ADSL: variants seen among roughly 807,000 people sequenced by gnomAD.
ADSL encodes the protein adenylosuccinase.
ADSL carries 44 observed loss-of-function variants against 62.1 expected under a neutral mutation model. The observed-to-expected ratio is 0.71, with a 90% CI of 0.56 to 0.91. The LOEUF (loss-of-function observed/expected upper bound fraction) is 0.91, where lower values mean the gene tolerates loss of function less well. Among genes scored for constraint, ADSL ranks in the 40% least tolerant of loss-of-function variants. The probability of loss-of-function intolerance (pLI) is 0.00; values close to 1 mark genes in which losing one functional copy is unlikely to be tolerated. For missense variants in ADSL, 531 were observed against 627.4 expected (o/e 0.85, Z 1.64); for synonymous variants, 198 against 220.5 (o/e 0.90, Z 0.90).
chr22:40,373,469 G>C (rs2045955180), downstream of ADSL: 1 of 152,090 alleles, frequency 6.6e-6, no homozygotes, highest in South Asian at 2.1e-4. Flanking sequence ...ACGATTTATT[G>C]AATATCTACT....
At chr22:40,385,696 A>G (rs1383926677) in intron 2 of ADSL, among the ~76,000 whole-genome samples, 1 of 152,190 alleles carries the variant, frequency 6.6e-6, no homozygotes, top group East Asian at 1.9e-4. Context: ...GTTTCAGAAG[A>G]ATTATGAGAA....
chr22:40,355,743 A>G (rs2044528526), intron 4 of ADSL, among the ~76,000 whole-genome samples: 1 of 152,204 alleles, frequency 6.6e-6, no homozygotes. Context: ...TAACAAGGAA[A>G]ACAGTAAGAT....
rs1452778583 is a variant in ADSL, at chr22:40,349,823, AT to A, written c.154-7del. 1 of 1,612,636 alleles carries A rather than the reference AT, an allele frequency of 6.2e-7. No homozygotes were observed. On this transcript the variant is annotated splice_polypyrimidine_tract_variant and splice_region_variant and intron_variant, in intron 1 of 12. Transcript: ENST00000623063. Reference sequence around the variant, plus strand: ...GAGACTATTTTATTTTATTTTGCCTATTCTGCAGACATTGGGTTTGCCTATC... The same window carrying A: ...GAGACTATTTTATTTTATTTTGCCTATCTGCAGACATTGGGTTTGCCTATC...
chr22:40,353,817 G>C (rs1243967075), intron 3 of ADSL: 6 of 272,702 alleles, frequency 2.2e-5, no homozygotes. Flanking sequence ...TAGTAGAGAC[G>C]GGGTTTCACC....
Position 40,361,294 on chromosome 22 carries a change from C to T in ADSL, c.814C>T (p.Leu272=). ...CCAGATTTGCACCGACATACGCCTCCTGGCAAACCTCAAGGAGATGGAGGA... is the reference window on the plus strand; with the variant it reads ...CCAGATTTGCACCGACATACGCCTCTTGGCAAACCTCAAGGAGATGGAGGA... ...VHKICTDIRL[L]ANLKEMEEPF... Residue 272 remains leucine, a synonymous_variant, in exon 8 of 13, where the codon CTG becomes TTG. Transcript: ENST00000623063. 1 of 1,614,196 alleles carries T rather than the reference C, an allele frequency of 6.2e-7. No individual in the cohort carries two copies. The highest frequency in any genetic ancestry group is 8.5e-7 in the Non-Finnish European group (1 of 1,180,040).
intron 12 of ADSL, among the ~76,000 whole-genome samples, chr22:40,365,445 C>T (rs2044966093): frequency 2.0e-5 from 3 of 152,100 alleles, no homozygotes; most frequent in African/African-American, 4.8e-5. Flanking sequence ...TGGGTTAAAT[C>T]GTAACCTCTG....
intron 8 of ADSL, 62 bp from the exon 9 acceptor site, chr22:40,361,425 GC>G: frequency 1.2e-6 from 2 of 1,613,178 alleles, no homozygotes; most frequent in Non-Finnish European, 1.7e-6. Flanking sequence ...CAGCATGCTT[GC>G]CTACTCACTA....
chr22:40,379,705 T>A (rs1431514311), intron 2 of ADSL, among the ~76,000 whole-genome samples: 1 of 152,138 alleles, frequency 6.6e-6, no homozygotes, highest in Non-Finnish European at 1.5e-5. Flanking sequence ...TGGTAGTATT[T>A]GTGGTCTCTG....
At chr22:40,373,573 T>TG (rs2045973624), downstream of ADSL, 1 of 152,248 alleles carries the variant, frequency 6.6e-6, no homozygotes, top group African/African-American at 2.4e-5. Context: ...AGTTTATACA[T>TG]GTCAATGTAT....
chr22:40,360,893 G>A (rs886264748), intron 7 of ADSL, among the ~76,000 whole-genome samples: 1 of 151,804 alleles, frequency 6.6e-6, no homozygotes, highest in Non-Finnish European at 1.5e-5. Flanking sequence ...TAGAGGCAGG[G>A]TTTCACCATG....
At chr22:40,377,904 A>G (rs999358348) in intron 2 of ADSL, among the ~76,000 whole-genome samples, 3 of 152,026 alleles carry the variant, frequency 2.0e-5, no homozygotes, top group Non-Finnish European at 4.4e-5. Context: ...GAGGAGAGAA[A>G]TCTTGGAGAA....
chr22:40,360,826 G>A (rs902573393), intron 7 of ADSL, among the ~76,000 whole-genome samples: 1 of 151,064 alleles, frequency 6.6e-6, no homozygotes, highest in African/African-American at 2.4e-5. Context: ...GGGTTCGAGC[G>A]AGCCTCCCAA....
At chr22:40,352,329 C>A (rs554638174) in intron 2 of ADSL, among the ~76,000 whole-genome samples, 1 of 152,108 alleles carries the variant, frequency 6.6e-6, no homozygotes, top group East Asian at 1.9e-4. Flanking sequence ...TGATTGAGAC[C>A]ATCCTGGCTA....
At chr22:40,346,735 C>T (rs774328480) in intron 1 of ADSL, 24 bp downstream of exon 1, 2 of 1,586,088 alleles carry the variant, frequency 1.3e-6, no homozygotes, top group Non-Finnish European at 1.7e-6. Flanking sequence ...GGCTGAGGGG[C>T]TGGGCCGGGA....
chr22:40,363,395 C>T (rs1569101865), intron 10 of ADSL, among the ~76,000 whole-genome samples: 1 of 152,148 alleles, frequency 6.6e-6, no homozygotes, highest in Non-Finnish European at 1.5e-5. Flanking sequence ...CTCTCCTATA[C>T]TTAGCTCTTG....
At position 40,369,031 on chromosome 22, in the gene ADSL, C is replaced by G. The variant is rs1222957467; in HGVS notation, c.*2509C>G. The G allele has an allele frequency of 6.6e-6, 1 of 152,206 alleles. No homozygotes were observed. Among genetic ancestry groups the G allele is most frequent in the East Asian group, 1.9e-4 (1 of 5,206 alleles). The allele number at this position is 152,206 out of a possible 1,614,324, so 9.4% of individuals were successfully genotyped here. ...TGTCTACTTCCTTCTCTGCTATGGG[C>G]AACTTGGAGGCAGCAACTACTATCA... On this transcript the variant is annotated 3_prime_UTR_variant, in exon 13 of 13. Coordinates refer to ENST00000623063, the MANE Select transcript of ADSL (RefSeq NM_000026.4).
intron 2 of ADSL, among the ~76,000 whole-genome samples, chr22:40,376,000 C>T (rs2046486817): frequency 6.7e-6 from 1 of 150,370 alleles, no homozygotes; most frequent in African/African-American, 2.4e-5. Flanking sequence ...GTGATCACAC[C>T]ACACACCACA....
rs2045075724 is a variant in ADSL, at chr22:40,368,733, C to G, written c.*2211C>G. ...CCTGAGGTCAGGAGTTCGAGACCAG[C>G]TTGACCGACAAGGTGAAACTCCGTC... is the stretch of plus-strand genomic sequence containing the variant. On this transcript the variant is annotated 3_prime_UTR_variant, in exon 13 of 13. Transcript: ENST00000623063. The G allele has an allele frequency of 1.3e-5, 2 of 152,158 alleles. No individual in the cohort carries two copies. The highest frequency in any genetic ancestry group is 4.1e-4 in the South Asian group (2 of 4,832). The allele number at this position is 152,158 out of a possible 1,614,324, so 9.4% of individuals were successfully genotyped here.
In ADSL at chr22:40,353,273, TTTC is replaced by T. The variant is rs369736989; in HGVS notation, c.402+164_402+166del. ...TATGTTTAATCTGTAGAACTAATTG[TTTC>T]TTCTTCTCCTTTCTTCTTCTCTTCC... is the stretch of plus-strand genomic sequence containing the variant. On this transcript the variant is annotated intron_variant, in intron 3 of 12. Coordinates refer to ENST00000623063, the MANE Select transcript of ADSL (RefSeq NM_000026.4). The T allele has an allele frequency of 1.7e-3, 1,239 of 716,382 alleles. 15 individuals carry two copies. In the African/African-American group the frequency reaches 0.018, roughly 10 times the overall value. The allele number at this position is 716,382 out of a possible 1,614,324, so 44.4% of individuals were successfully genotyped here.
Sources: allele counts gnomAD v4.1 joint callset (sites outside exome capture counted in the v4.1 genomes callset), GRCh38; gene constraint gnomAD v4.1.1; transcripts MANE v1.5; gene names NCBI Gene and HGNC (gene_info 2026-07-23, HGNC 2026-07-21).